ARHGAP21: variants seen among roughly 807,000 people sequenced by gnomAD.
ARHGAP21 encodes Rho GTPase activating protein 21.
Under a neutral mutation model 164.6 loss-of-function variants are expected in ARHGAP21, and 38 were observed. That is an observed-to-expected ratio of 0.23 (90% CI 0.18 to 0.30). The LOEUF is 0.30. Ranked by LOEUF, ARHGAP21 falls within the 10% of genes least tolerant of loss-of-function variation. ARHGAP21 has a pLI of 1.00. For synonymous variants in ARHGAP21, 766 were observed against 857.9 expected, an observed-to-expected ratio of 0.89 and a Z score of 1.87; for missense variants, 1,822 against 2,370.7, an observed-to-expected ratio of 0.77 and a Z score of 4.81.
intron 4 of ARHGAP21, among the ~76,000 whole-genome samples, chr10:24,652,571 G>A (rs1838293977): frequency 6.6e-6 from 1 of 152,112 alleles, no homozygotes. Flanking sequence ...CCTGCTAATA[G>A]TATATCACTA....
intron 2 of ARHGAP21, among the ~76,000 whole-genome samples, chr10:24,689,834 G>A (rs1262496017): frequency 4.1e-5 from 6 of 147,672 alleles, no homozygotes; most frequent in Non-Finnish European, 6.0e-5. Flanking sequence ...ATATATGTAT[G>A]TGTATATATA....
intron 2 of ARHGAP21, among the ~76,000 whole-genome samples, chr10:24,672,602 T>C (rs1405082248): frequency 6.6e-6 from 1 of 152,250 alleles, no homozygotes; most frequent in African/African-American, 2.4e-5. Flanking sequence ...TAAGATTTTG[T>C]TTTAAATTAC....
intron 1 of ARHGAP21, among the ~76,000 whole-genome samples, chr10:24,722,933 G>A (rs1426074093): frequency 6.6e-6 from 1 of 152,000 alleles, no homozygotes; most frequent in Non-Finnish European, 1.5e-5. Flanking sequence ...CAACTCTGAA[G>A]TCGCGGCTTT....
intron 9 of ARHGAP21, 94 bp from the exon 10 acceptor site, chr10:24,607,997 G>A (rs2077103187): frequency 8.4e-7 from 1 of 1,194,942 alleles, no homozygotes; most frequent in South Asian, 1.9e-5. Context: ...GGTCAGATAA[G>A]GATTTTAACA....
In ARHGAP21 at chr10:24,607,798, G is replaced by A; in HGVS notation, c.2528C>T (p.Pro843Leu). The change falls in exon 10 of 26, where the codon CCT becomes CTT. Residue 843 changes from proline to leucine, a missense_variant. Pro to Leu is a moderately conservative substitution (Grantham distance 98). This residue lies in a region of ARHGAP21 where 1,090 missense variants were observed against 1,378.9 expected (regional missense o/e 0.79). Transcript: ENST00000396432. ...SQVPSIATVP[P>L]CLTTSAPLIR... is the part of the protein sequence containing the mutation. The stretch of plus-strand genomic sequence containing the variant: ...TAATGGAGCTGAAGTTGTGAGGCAA[G>A]GAGGAACTGTTGCTATGGAGGGGAC... The A allele has an allele frequency of 2.5e-6, 4 of 1,614,148 alleles. No individual in the cohort carries two copies. Among genetic ancestry groups the A allele is most frequent in the South Asian group, 1.1e-5 (1 of 91,078 alleles).
chr10:24,607,507 A>G lies in ARHGAP21; in HGVS notation c.2676T>C (p.Asp892=), dbSNP rs1045442658. 1.9e-6 allele frequency: 3 copies of G among 1,612,842 alleles called. No homozygotes were observed. The highest frequency in any genetic ancestry group is 1.3e-5 in the African/African-American group (1 of 75,034). The change falls in exon 11 of 26, where the codon GAT becomes GAC. Residue 892 remains aspartate (D), a synonymous_variant. Transcript: ENST00000396432. ...YDEGLDDYRE[D]AKLSFKHVSS... ...ATACACCCGAGACTTACAATTTTGC[A>G]TCTTCTCTGTAATCATCCAGACCCT...
rs749778459 is a variant in ARHGAP21 at position 24,721,913 on chromosome 10, A to G, written c.-14T>C. The G allele has an allele frequency of 1.9e-6, 3 of 1,613,936 alleles. No homozygotes were observed. Among genetic ancestry groups the G allele is most frequent in the Admixed American group, 3.3e-5 (2 of 59,990 alleles). On this transcript the variant is annotated 5_prime_UTR_variant, in exon 2 of 26. Coordinates refer to ENST00000396432, the MANE Select transcript of ARHGAP21 (RefSeq NM_020824.4). ...CGTGGCCATCATTTCATTTCAAATG[A>G]CAAAGAAGGGACAAATCCTTTGGAG...
chr10:24,718,355 A>G (rs1231815446), intron 2 of ARHGAP21, among the ~76,000 whole-genome samples: 1 of 152,208 alleles, frequency 6.6e-6, no homozygotes, highest in African/African-American at 2.4e-5. Flanking sequence ...AAAGGTCTAG[A>G]GATCAACCAT....
intron 4 of ARHGAP21, among the ~76,000 whole-genome samples, chr10:24,656,190 G>T (rs1417308985): frequency 2.1e-5 from 3 of 139,618 alleles, no homozygotes. Flanking sequence ...CGCCCGGCCA[G>T]CCGCCCCATC....
rs1215742482 is a variant in ARHGAP21 at position 24,656,174 on chromosome 10, GC to G, written c.268+10810del. On this transcript the variant is annotated intron_variant, in intron 4 of 25. Coordinates refer to ENST00000396432, the MANE Select transcript of ARHGAP21 (RefSeq NM_020824.4). ...TCCGGGAGGGAGGTGGGGGGGGTCA[GC>G]CCCCCGCCCGGCCAGCCGCCCCATC... Among the ~76,000 whole-genome samples, 925 of 135,008 alleles carry G rather than the reference GC, an allele frequency of 6.9e-3. 49 individuals carry two copies. Among genetic ancestry groups the G allele is most frequent in the Admixed American group, 0.063 (878 of 13,872 alleles). 88.6% of individuals were successfully genotyped at this position (135,008 alleles called of 152,430 possible).
At position 24,597,427 on chromosome 10, in the gene ARHGAP21, TAGAA is replaced by T. The variant is rs1564973663; in HGVS notation, c.3334+16_3334+19del. 1.2e-6 allele frequency: 2 copies of T among 1,601,932 alleles called. No homozygotes were observed. Among genetic ancestry groups the T allele is most frequent in the South Asian group, 2.3e-5 (2 of 88,374 alleles). Reference sequence around the variant, plus strand: ...ATTTTAAATCATTATATTTATTTGTTAGAAAGCTAACATCAATACCTTTACTGAG... The same window carrying T: ...ATTTTAAATCATTATATTTATTTGTTAGCTAACATCAATACCTTTACTGAG... On this transcript the variant is annotated intron_variant, in intron 16 of 25. Coordinates refer to ENST00000396432, the MANE Select transcript of ARHGAP21 (RefSeq NM_020824.4).
intron 9 of ARHGAP21, among the ~76,000 whole-genome samples, chr10:24,614,530 C>T (rs1385105597): frequency 2.0e-5 from 3 of 152,102 alleles, no homozygotes; most frequent in Non-Finnish European, 2.9e-5. Context: ...CAGTGGCTCA[C>T]GCCTGTAATT....
chr10:24,601,283 T>TA (rs1408340288), intron 13 of ARHGAP21, among the ~76,000 whole-genome samples: 2 of 152,246 alleles, frequency 1.3e-5, no homozygotes, highest in African/African-American at 4.8e-5. Flanking sequence ...GTGAAAGACT[T>TA]ACGTCTTAGA....
At chr10:24,599,737 C>T (rs1387232802) in intron 14 of ARHGAP21, among the ~76,000 whole-genome samples, 1 of 152,168 alleles carries the variant, frequency 6.6e-6, no homozygotes, top group African/African-American at 2.4e-5. Flanking sequence ...TATAGTTATA[C>T]ATACTTTAAA....
intron 2 of ARHGAP21, among the ~76,000 whole-genome samples, chr10:24,703,116 C>G (rs896957489): frequency 6.6e-6 from 1 of 151,968 alleles, no homozygotes; most frequent in African/African-American, 2.4e-5. Context: ...TTGTAAAACC[C>G]ACACACAAAC....
At position 24,630,068 on chromosome 10, in the gene ARHGAP21, A is replaced by G. The variant is rs368363488; in HGVS notation, c.441-18T>C. 7 of 1,427,588 alleles carry G rather than the reference A, an allele frequency of 4.9e-6. No individual in the cohort carries two copies. The highest frequency in any genetic ancestry group is 1.4e-5 in the African/African-American group (1 of 69,356). 88.4% of individuals were successfully genotyped at this position (1,427,588 alleles called of 1,614,324 possible). ...TTGTATCACTGAAATTGAATTATATACTATTTTAGGAGAGGTAGAAGTGTA... is the reference window on the plus strand; with the variant it reads ...TTGTATCACTGAAATTGAATTATATGCTATTTTAGGAGAGGTAGAAGTGTA... On this transcript the variant is annotated intron_variant, in intron 6 of 25. Transcript: ENST00000396432.
intron 9 of ARHGAP21, among the ~76,000 whole-genome samples, chr10:24,615,318 G>A (rs551724018): frequency 2.2e-4 from 33 of 152,162 alleles, no homozygotes; most frequent in Non-Finnish European, 4.3e-4. Context: ...TGGCAGTGCC[G>A]TTAAGGCTAT....
intron 2 of ARHGAP21, among the ~76,000 whole-genome samples, chr10:24,695,137 A>G (rs540159256): frequency 6.0e-5 from 9 of 151,092 alleles, no homozygotes; most frequent in African/African-American, 2.2e-4. Context: ...TTATCTCCCA[A>G]TTCCTAAATG....
At chr10:24,587,070 TA>T (rs778429849) in intron 25 of ARHGAP21, among the ~76,000 whole-genome samples, 8 of 152,110 alleles carry the variant, frequency 5.3e-5, no homozygotes, top group Non-Finnish European at 1.0e-4. Context: ...TCAATTAACA[TA>T]AGTACAATTA....
Sources: allele counts gnomAD v4.1 joint callset (sites outside exome capture counted in the v4.1 genomes callset), GRCh38; gene constraint gnomAD v4.1.1; regional missense constraint gnomAD v4.1.1; transcripts MANE v1.5; gene names NCBI Gene and HGNC (gene_info 2026-07-23, HGNC 2026-07-21).